The following IGSF21 variants were observed in gnomAD, a reference collection of about 807,000 sequenced individuals.
IGSF21 encodes immunoglobin superfamily member 21.
IGSF21 carries 28 observed loss-of-function variants against 46.8 expected under a neutral mutation model. The observed-to-expected ratio is 0.60, with a 90% CI of 0.44 to 0.82. IGSF21 has a LOEUF of 0.82. Ranked by LOEUF, IGSF21 falls within the 40% of genes least tolerant of loss-of-function variation. IGSF21 has a pLI of 0.00. For synonymous variants in IGSF21, 284 were observed against 273.6 expected (o/e 1.04, Z -0.38); for missense variants, 624 against 665.5 (o/e 0.94, Z 0.69).
At chr1:18,224,700 G>A (rs2355999) in intron 1 of IGSF21, among the ~76,000 whole-genome samples, 15,484 of 152,164 alleles carry the variant, frequency 0.1, 974 homozygotes, top group East Asian at 0.14. Context: ...AAAGTTAAGA[G>A]AAGTCCTGAA....
chr1:18,175,594 G>A (rs1460938718), intron 1 of IGSF21, among the ~76,000 whole-genome samples: 2 of 152,094 alleles, frequency 1.3e-5, no homozygotes, highest in Admixed American at 6.5e-5. Flanking sequence ...GAAGTGACCC[G>A]GGAAGAACCT....
intron 2 of IGSF21, among the ~76,000 whole-genome samples, chr1:18,291,631 C>CTGT (rs746061691): frequency 7.9e-5 from 12 of 152,224 alleles, no homozygotes; most frequent in Non-Finnish European, 1.6e-4. Flanking sequence ...AGGGCCTTTG[C>CTGT]TGTTCCCTTT....
chr1:18,185,080 A>G (rs920475886), intron 1 of IGSF21, among the ~76,000 whole-genome samples: 1 of 152,346 alleles, frequency 6.6e-6, no homozygotes, highest in African/African-American at 2.4e-5. Context: ...TTACTCATGC[A>G]TGGCAGATGG....
chr1:18,269,076 A>G (rs2085018246), intron 2 of IGSF21, among the ~76,000 whole-genome samples: 2 of 152,228 alleles, frequency 1.3e-5, no homozygotes, highest in African/African-American at 2.4e-5. Flanking sequence ...AGCTGTAAAC[A>G]ACCGCATCAC....
intron 3 of IGSF21, among the ~76,000 whole-genome samples, chr1:18,330,547 G>A (rs2085701929): frequency 6.7e-6 from 1 of 149,674 alleles, no homozygotes. Context: ...AGACATGGCT[G>A]GAGGAAGGGG....
At chr1:18,184,299 G>A (rs12749656) in intron 1 of IGSF21, among the ~76,000 whole-genome samples, 7,519 of 152,020 alleles carry the variant, frequency 0.049, 195 homozygotes, top group East Asian at 0.055. Context: ...CTGGTTCCCC[G>A]CATCCTCCTT....
intron 2 of IGSF21, among the ~76,000 whole-genome samples, chr1:18,232,264 T>C (rs557683331): frequency 3.6e-5 from 5 of 139,784 alleles, no homozygotes; most frequent in Non-Finnish European, 6.0e-5. Flanking sequence ...AGTAGGAGGC[T>C]GTCAGCTAAT....
chr1:18,143,863 C>T (rs1325190787), intron 1 of IGSF21, among the ~76,000 whole-genome samples: 2 of 152,082 alleles, frequency 1.3e-5, no homozygotes, highest in Non-Finnish European at 2.9e-5. Context: ...GCCCATCAGA[C>T]TTGGATTCTC....
chr1:18,373,528 G>T (rs560882997), intron 6 of IGSF21, among the ~76,000 whole-genome samples: 5 of 152,118 alleles, frequency 3.3e-5, no homozygotes, highest in Non-Finnish European at 7.4e-5. Flanking sequence ...GGCTGCAAAC[G>T]CACTTGTCTA....
chr1:18,133,385 G>A (rs981583728), intron 1 of IGSF21, among the ~76,000 whole-genome samples: 3 of 152,216 alleles, frequency 2.0e-5, no homozygotes, highest in African/African-American at 7.2e-5. Context: ...GGCTGGGTCT[G>A]CACTCGGCTT....
At chr1:18,317,221 G>C (rs1465077081) in intron 3 of IGSF21, among the ~76,000 whole-genome samples, 1 of 151,556 alleles carries the variant, frequency 6.6e-6, no homozygotes, top group Non-Finnish European at 1.5e-5. Context: ...GACCAGTGGT[G>C]GTTCCTCTAC....
intron 1 of IGSF21, among the ~76,000 whole-genome samples, chr1:18,221,324 C>G (rs1049162396): frequency 5.9e-5 from 9 of 152,150 alleles, no homozygotes; most frequent in Non-Finnish European, 1.3e-4. Flanking sequence ...CAGGAAACCC[C>G]CTCAGCCCTG....
intron 4 of IGSF21, among the ~76,000 whole-genome samples, chr1:18,352,520 C>T (rs1439079194): frequency 1.3e-5 from 2 of 152,156 alleles, no homozygotes; most frequent in African/African-American, 4.8e-5. Flanking sequence ...TGGAGAACCA[C>T]CAGGTTAAGG....
chr1:18,267,335 G>T (rs1448233391), intron 2 of IGSF21, among the ~76,000 whole-genome samples: 1 of 152,178 alleles, frequency 6.6e-6, no homozygotes, highest in Non-Finnish European at 1.5e-5. Flanking sequence ...CTCTCAGCTG[G>T]ACAAGGATTA....
chr1:18,338,801 A>T (rs2085798515), intron 4 of IGSF21, among the ~76,000 whole-genome samples: 2 of 151,980 alleles, frequency 1.3e-5, no homozygotes, highest in South Asian at 4.1e-4. Context: ...GCTGCAGATA[A>T]ATTGTAAGCC....
rs1569837178 is a variant in IGSF21 at position 18,337,638 on chromosome 1, C to T, written c.424+2628C>T. On this transcript the variant is annotated intron_variant, in intron 4 of 9. Transcript: ENST00000251296. The surrounding 1 kb of genome is among the most constrained non-coding windows in gnomAD (Gnocchi z 5.7). ...GGGAGTGGCAGAGACAGGGGTCTCT[C>T]CTTACTCACCTTCTCTGGGCTTCTT... Among the ~76,000 whole-genome samples the T allele has an allele frequency of 8.1e-6, 1 of 123,310 alleles. No homozygotes were observed. Among genetic ancestry groups the T allele is most frequent in the African/African-American group, 2.9e-5 (1 of 34,192 alleles). 80.9% of individuals were successfully genotyped at this position (123,310 alleles called of 152,430 possible).
chr1:18,282,458 T>A (rs1346438403), intron 2 of IGSF21, among the ~76,000 whole-genome samples: 2 of 152,010 alleles, frequency 1.3e-5, no homozygotes, highest in Admixed American at 1.3e-4. Flanking sequence ...GGGTGCTGCA[T>A]GGGAGGTGGA....
At chr1:18,352,000 A>T (rs937464305) in intron 4 of IGSF21, among the ~76,000 whole-genome samples, 1 of 152,186 alleles carries the variant, frequency 6.6e-6, no homozygotes, top group African/African-American at 2.4e-5. Flanking sequence ...CCAATCAGAA[A>T]ACTGGAGACA....
chr1:18,198,222 A>G (rs2124480881), intron 1 of IGSF21, among the ~76,000 whole-genome samples: 1 of 152,334 alleles, frequency 6.6e-6, no homozygotes, highest in East Asian at 1.9e-4. Context: ...GAGTGGCCAT[A>G]CCAGAGTAAG....
Sources: allele counts gnomAD v4.1 joint callset (sites outside exome capture counted in the v4.1 genomes callset), GRCh38; gene constraint gnomAD v4.1.1; non-coding constraint Gnocchi (gnomAD v3.1); transcripts MANE v1.5; gene names NCBI Gene and HGNC (gene_info 2026-07-23, HGNC 2026-07-21).